Variants in PIP5K1B observed in about 807,000 individuals in gnomAD.
PIP5K1B encodes the protein phosphatidylinositol-4-phosphate 5-kinase type 1 beta, also known as phosphatidylinositol 4-phosphate 5-kinase type-1 beta.
Under a neutral mutation model 67.0 loss-of-function variants are expected in PIP5K1B, and 42 were observed. That is an observed-to-expected ratio of 0.63 (90% confidence interval 0.49 to 0.81). The LOEUF is 0.81. Among genes scored for constraint, PIP5K1B ranks in the 30% least tolerant of loss-of-function variants. The pLI, the probability that PIP5K1B is intolerant of heterozygous loss-of-function variation, is 0.00. For synonymous variants in PIP5K1B, 214 were observed against 231.4 expected, an observed-to-expected ratio of 0.92 and a Z score of 0.68; for missense variants, 459 against 646.3, an observed-to-expected ratio of 0.71 and a Z score of 3.14.
intron 15 of PIP5K1B, 93 bp downstream of exon 15, chr9:68,991,350 C>T (rs1360626278): frequency 5.6e-6 from 4 of 715,038 alleles, no homozygotes; most frequent in Non-Finnish European, 7.6e-6. Context: ...TAAAACCAGG[C>T]ATGCTTGGGT....
chr9:68,762,469 A>G (rs956447804), intron 2 of PIP5K1B, among the ~76,000 whole-genome samples: 3 of 152,002 alleles, frequency 2.0e-5, no homozygotes, highest in African/African-American at 7.2e-5. Flanking sequence ...CACTATAATT[A>G]TCTGCGTCTT....
chr9:68,799,124 G>A (rs2132525971), intron 2 of PIP5K1B, among the ~76,000 whole-genome samples: 1 of 152,350 alleles, frequency 6.6e-6, no homozygotes, highest in East Asian at 1.9e-4. Context: ...GGAGCTGTCA[G>A]TTGGCTATAT....
intron 8 of PIP5K1B, among the ~76,000 whole-genome samples, chr9:68,906,254 A>G (rs139098969): frequency 9.8e-5 from 15 of 152,314 alleles, no homozygotes; most frequent in African/African-American, 3.6e-4. Flanking sequence ...CCTGGGCTCA[A>G]GCAATCCACC....
chr9:68,784,394 A>T (rs540020289), intron 2 of PIP5K1B: 103 of 167,214 alleles, frequency 6.2e-4, no homozygotes, highest in South Asian at 2.7e-3. Flanking sequence ...ACACAGTATA[A>T]ATGGGAGAAA....
chr9:68,906,348 A>G (rs896713102), intron 8 of PIP5K1B, among the ~76,000 whole-genome samples: 1 of 152,032 alleles, frequency 6.6e-6, no homozygotes, highest in Non-Finnish European at 1.5e-5. Flanking sequence ...AGCAAGGATA[A>G]CTCTTCTCTC....
intron 1 of PIP5K1B, among the ~76,000 whole-genome samples, chr9:68,733,934 G>A (rs1031388691): frequency 1.3e-4 from 19 of 151,980 alleles, no homozygotes; most frequent in African/African-American, 2.7e-4. Flanking sequence ...CACTGTGCCC[G>A]GCAATACTTA....
intron 8 of PIP5K1B, among the ~76,000 whole-genome samples, chr9:68,902,850 A>G (rs1476610849): frequency 6.6e-6 from 1 of 152,238 alleles, no homozygotes; most frequent in South Asian, 2.1e-4. Flanking sequence ...TTACTTGAGT[A>G]TATGCCCCAG....
intron 2 of PIP5K1B, among the ~76,000 whole-genome samples, chr9:68,814,309 CAAAA>C (rs1210454592): frequency 6.6e-6 from 1 of 151,920 alleles, no homozygotes; most frequent in Non-Finnish European, 1.5e-5. Context: ...GATTTAAAAT[CAAAA>C]AGATAATATG....
chr9:68,859,585 T>A (rs540074928), intron 4 of PIP5K1B, among the ~76,000 whole-genome samples: 4 of 152,274 alleles, frequency 2.6e-5, no homozygotes, highest in Non-Finnish European at 5.9e-5. Context: ...TGCCAAGCCA[T>A]GCAGAGGAAA....
At chr9:68,755,341 C>T (rs1829871704) in intron 2 of PIP5K1B, among the ~76,000 whole-genome samples, 1 of 152,126 alleles carries the variant, frequency 6.6e-6, no homozygotes, top group South Asian at 2.1e-4. Context: ...ATGAGTATAC[C>T]TCTGCTTACT....
At chr9:68,977,111 A>G (rs927335960) in intron 14 of PIP5K1B, among the ~76,000 whole-genome samples, 8 of 152,166 alleles carry the variant, frequency 5.3e-5, no homozygotes, top group Admixed American at 2.0e-4. Context: ...TCTTAATTCC[A>G]TGGATATGAG....
intron 1 of PIP5K1B, among the ~76,000 whole-genome samples, chr9:68,713,326 G>A (rs1006942957): frequency 6.6e-6 from 1 of 152,176 alleles, no homozygotes; most frequent in East Asian, 1.9e-4. Context: ...TTGAACCCGG[G>A]ATGCAGAGGT....
chr9:68,919,335 CA>C (rs937942222), intron 9 of PIP5K1B, 143 bp from the exon 10 acceptor site: 6,128 of 460,810 alleles, frequency 0.013, no homozygotes, highest in Middle Eastern at 0.019. Context: ...AAGGAACAAA[CA>C]AAAAAAAAAG....
chr9:68,904,757 CTT>C (rs34367926), intron 8 of PIP5K1B, among the ~76,000 whole-genome samples: 9,553 of 147,718 alleles, frequency 0.065, 630 homozygotes, highest in African/African-American at 0.17. Flanking sequence ...CAGTAGTTTG[CTT>C]TTTTTTTTTT....
At chr9:68,764,444 G>C (rs1338126575) in intron 2 of PIP5K1B, among the ~76,000 whole-genome samples, 1 of 152,078 alleles carries the variant, frequency 6.6e-6, no homozygotes, top group African/African-American at 2.4e-5. Context: ...TTGAGGACCT[G>C]TAGTTCAATG....
At chr9:68,821,630 G>A (rs1377743574) in intron 3 of PIP5K1B, among the ~76,000 whole-genome samples, 2 of 152,220 alleles carry the variant, frequency 1.3e-5, no homozygotes, top group Non-Finnish European at 2.9e-5. Flanking sequence ...CAGTGTGAAT[G>A]AGTATACTCT....
intron 11 of PIP5K1B, among the ~76,000 whole-genome samples, chr9:68,921,225 C>T (rs1826384084): frequency 6.6e-6 from 1 of 151,876 alleles, no homozygotes; most frequent in Non-Finnish European, 1.5e-5. Context: ...ACTCAAGAGA[C>T]TGGGGCAGGA....
At chr9:68,974,671 A>G (rs1330381896) in intron 14 of PIP5K1B, among the ~76,000 whole-genome samples, 1 of 152,228 alleles carries the variant, frequency 6.6e-6, no homozygotes, top group African/African-American at 2.4e-5. Context: ...CTAGCCACGA[A>G]TGAGAGAACT....
At chr9:68,728,591 T>C (rs980400098) in intron 1 of PIP5K1B, among the ~76,000 whole-genome samples, 1 of 151,750 alleles carries the variant, frequency 6.6e-6, no homozygotes, top group Admixed American at 6.6e-5. Flanking sequence ...ACATTCCAAG[T>C]AGAAGGGATG....
Sources: gnomAD v4.1 joint callset for allele counts (sites outside exome capture counted in the v4.1 genomes callset) on GRCh38, gnomAD v4.1.1 for gene constraint, MANE v1.5 for transcripts, NCBI Gene and HGNC (gene_info 2026-07-23, HGNC 2026-07-21) for gene names.